Variants in NOTCH4 observed in about 807,000 individuals in gnomAD.
The protein encoded by NOTCH4 is notch receptor 4, also known as neurogenic locus notch homolog protein 4.
NOTCH4 carries 138 observed loss-of-function variants against 189.0 expected under a neutral mutation model. The ratio of observed to expected loss-of-function variants is 0.73; its 90% CI spans 0.64 to 0.84. NOTCH4 has a LOEUF of 0.84. Ranked by LOEUF, NOTCH4 falls within the 40% of genes least tolerant of loss-of-function variation. NOTCH4 has a pLI of 0.00. For synonymous variants in NOTCH4, 942 were observed against 1,032.8 expected, an observed-to-expected ratio of 0.91 and a Z score of 1.69; for missense variants, 2,286 against 2,605.4, an observed-to-expected ratio of 0.88 and a Z score of 2.67.
At chr6:32,204,410 A>C in intron 18 of NOTCH4, 21 bp from the exon 19 acceptor site, 1 of 1,608,900 alleles carries the variant, frequency 6.2e-7, no homozygotes, top group Non-Finnish European at 8.5e-7. Flanking sequence ...AGAGGATTAG[A>C]CAGGGAACCA....
At position 32,198,980 on chromosome 6, in the gene NOTCH4, T is replaced by A. The variant is rs773916431; in HGVS notation, c.4481A>T (p.Gln1494Leu). The A allele has an allele frequency of 6.2e-7, 1 of 1,609,088 alleles. No homozygotes were observed. Among genetic ancestry groups the A allele is most frequent in the Non-Finnish European group, 8.5e-7 (1 of 1,177,678 alleles). The change falls in exon 24 of 30, where the codon CAG becomes CTG. Residue 1494 changes from glutamine (Q) to leucine (L), a missense_variant. Coordinates refer to ENST00000375023, the MANE Select transcript of NOTCH4 (RefSeq NM_004557.4). The surrounding 1 kb of genome is among the most constrained non-coding windows in gnomAD (Gnocchi z 5.5). ...GGGCCGGCGTCGGTGGGGAGCTGAC[T>A]GAGTCCGAGGCCGTCGAGTGAAACC... ...PPGFTRRPRT[Q>L]SAPHRRRPPL... is the part of the protein sequence containing the mutation.
In NOTCH4 at chr6:32,212,398, A is replaced by G; in HGVS notation, c.2680+76T>C. 3.5e-6 allele frequency: 5 copies of G among 1,414,392 alleles called. No homozygotes were observed. The highest frequency in any genetic ancestry group is 4.8e-6 in the Non-Finnish European group (5 of 1,041,226). The allele number at this position is 1,414,392 out of a possible 1,614,324, so 87.6% of individuals were successfully genotyped here. Reference sequence around the variant, plus strand: ...TTGTTTTGGCCAAAAGCTGTGTGGAAGCCCACAGGAACGGGGCAGGTGAGA... The same window carrying G: ...TTGTTTTGGCCAAAAGCTGTGTGGAGGCCCACAGGAACGGGGCAGGTGAGA... On this transcript the variant is annotated intron_variant, in intron 17 of 29. Transcript: ENST00000375023. The surrounding 1 kb of genome is among the most constrained non-coding windows in gnomAD (Gnocchi z 4.4).
rs1253980210 is a variant in NOTCH4 at position 32,196,015 on chromosome 6, G to A, written c.5434C>T (p.His1812Tyr). Residue 1812 changes from histidine to tyrosine, a missense_variant, in exon 30 of 30, where the codon CAC becomes TAC. Physicochemically the swap from His to Tyr is moderately conservative, Grantham distance 83. Coordinates refer to ENST00000375023, the MANE Select transcript of NOTCH4 (RefSeq NM_004557.4). The stretch of plus-strand genomic sequence containing the variant: ...TCCAGCAGCGTCAGCAGATCCCAGT[G>A]GTTACGTTGGTGAGCGACGTCCGCC... ...APADVAHQRN[H>Y]WDLLTLLEGA... The A allele has an allele frequency of 2.5e-6, 4 of 1,599,116 alleles. No individual in the cohort carries two copies. The highest frequency in any genetic ancestry group is 3.4e-6 in the Non-Finnish European group (4 of 1,178,892).
In NOTCH4 at chr6:32,220,550, G is replaced by A. The variant is rs1431721279; in HGVS notation, c.1014C>T (p.Ser338=). 2 of 1,613,844 alleles carry A rather than the reference G, an allele frequency of 1.2e-6. No homozygotes were observed. Among genetic ancestry groups the A allele is most frequent in the Non-Finnish European group, 1.7e-6 (2 of 1,180,026 alleles). ...NGGTCQNSAG[S]FHCVCVSGWG... Reference sequence around the variant, plus strand: ...AGCCACTCACACACACGCAGTGAAAGCTACCAGCAGAGTTCTGGCAGGTGC... The same window carrying A: ...AGCCACTCACACACACGCAGTGAAAACTACCAGCAGAGTTCTGGCAGGTGC... Residue 338 remains serine (S), a synonymous_variant, in exon 6 of 30, where the codon AGC becomes AGT. Coordinates refer to ENST00000375023, the MANE Select transcript of NOTCH4 (RefSeq NM_004557.4).
intron 11 of NOTCH4, 58 bp from the exon 12 acceptor site, chr6:32,215,443 A>G: frequency 1.3e-6 from 2 of 1,508,350 alleles, no homozygotes; most frequent in Non-Finnish European, 1.8e-6. Context: ...TCATTGGGCC[A>G]AAGCCACATC....
In NOTCH4 at chr6:32,197,607, CAG is replaced by C; in HGVS notation, c.4757-15_4757-14del. ...GGTGTCACCCCATCTGTTGGTAAGA[CAG>C]AGTAATGGGTCAATCTAAAGGACAC... is the stretch of plus-strand genomic sequence containing the variant. On this transcript the variant is annotated splice_polypyrimidine_tract_variant and intron_variant, in intron 26 of 29. Transcript: ENST00000375023. 1 of 1,600,272 alleles carries C rather than the reference CAG, an allele frequency of 6.2e-7. No individual in the cohort carries two copies. Among genetic ancestry groups the C allele is most frequent in the Non-Finnish European group, 8.5e-7 (1 of 1,173,924 alleles).
Position 32,220,811 on chromosome 6 carries a change from GC to G in NOTCH4, c.866del (p.Gly289AlafsTer56). 1 of 1,614,162 alleles carries G rather than the reference GC, an allele frequency of 6.2e-7. No homozygotes were observed. Among genetic ancestry groups the G allele is most frequent in the Non-Finnish European group, 8.5e-7 (1 of 1,179,998 alleles). ...AGGTGTCCAGCCCATCCTGGCAAGT[GC>G]CCCCATTCTGACACTGGTGGCTGAC... is the stretch of plus-strand genomic sequence containing the variant. ...NCVSHQCQNG[G>X]TCQDGLDTYT... On this transcript the variant is annotated frameshift_variant, in exon 5 of 30. Coordinates refer to ENST00000375023, the MANE Select transcript of NOTCH4 (RefSeq NM_004557.4). LOFTEE classifies it high-confidence loss of function.
At position 32,196,328 on chromosome 6, in the gene NOTCH4, T is replaced by C. The variant is rs770038796; in HGVS notation, c.5294A>G (p.Asn1765Ser). Reference sequence around the variant, plus strand: ...AAGCCCTCTGTCCCATCTAACCCTGTTGTCCTGGGCATCTTTATCGGCTCC... The same window carrying C: ...AAGCCCTCTGTCCCATCTAACCCTGCTGTCCTGGGCATCTTTATCGGCTCC... ...QAGADKDAQDNREQTPLFLAA... is the reference protein window; with the variant it reads ...QAGADKDAQDSREQTPLFLAA... The change falls in exon 29 of 30, where the codon AAC becomes AGC. Residue 1765 changes from asparagine (N) to serine (S), a missense_variant. Physicochemically the swap from Asn to Ser is conservative, Grantham distance 46. Transcript: ENST00000375023. 1.9e-6 allele frequency: 3 copies of C among 1,613,032 alleles called. No individual in the cohort carries two copies. The highest frequency in any genetic ancestry group is 2.5e-6 in the Non-Finnish European group (3 of 1,180,048).
chr6:32,203,821 G>T lies in NOTCH4; in HGVS notation c.3180C>A (p.Thr1060=), dbSNP rs1283988327. The change falls in exon 20 of 30, where the codon ACC becomes ACA. Residue 1060 remains threonine (T), a synonymous_variant. Transcript: ENST00000375023. ...CHSQPCFHGG[T]CEATAGSPLG... ...GGGGTGATCCTGCTGTGGCCTCACA[G>T]GTCCCTCCATGAAAGCAGGGTTGGC... The T allele has an allele frequency of 1.3e-6, 2 of 1,562,560 alleles. No individual in the cohort carries two copies. The highest frequency in any genetic ancestry group is 2.4e-5 in the South Asian group (2 of 84,918).
intron 26 of NOTCH4, among the ~76,000 whole-genome samples, chr6:32,197,819 C>CTTTT (rs9281668): frequency 4.5e-5 from 6 of 132,994 alleles, no homozygotes; most frequent in South Asian, 2.4e-4. Flanking sequence ...GTGGTTTTCT[C>CTTTT]TTTTTTTTTT....
rs1245029988 is a variant in NOTCH4 at position 32,200,954 on chromosome 6, C to G, written c.4192G>C (p.Ala1398Pro). Residue 1398 changes from alanine (A) to proline (P), a missense_variant, in exon 23 of 30, where the codon GCA (alanine) becomes CCA (proline). Transcript: ENST00000375023. The surrounding 1 kb of genome is among the most constrained non-coding windows in gnomAD (Gnocchi z 5.0). ...CCAGGGTCCCAGGGACAGCGGGATGCCGGGTGGTCAGGGCCACAGCGGGAC... is the reference window on the plus strand; with the variant it reads ...CCAGGGTCCCAGGGACAGCGGGATGGCGGGTGGTCAGGGCCACAGCGGGAC... ...DLSRCGPDHP[A>P]SRCPWDPGLL... 1 of 1,603,270 alleles carries G rather than the reference C, an allele frequency of 6.2e-7. No individual in the cohort carries two copies. Among genetic ancestry groups the G allele is most frequent in the South Asian group, 1.1e-5 (1 of 89,564 alleles).
chr6:32,196,132 G>T lies in NOTCH4; in HGVS notation c.5317C>A (p.Leu1773Met). 3 of 1,590,080 alleles carry T rather than the reference G, an allele frequency of 1.9e-6. No homozygotes were observed. The highest frequency in any genetic ancestry group is 2.6e-6 in the Non-Finnish European group (3 of 1,174,990). Residue 1773 changes from leucine (L) to methionine (M), a missense_variant, in exon 30 of 30, where the codon CTG becomes ATG. Leu to Met is a conservative substitution (Grantham distance 15, BLOSUM62 2). Transcript: ENST00000375023. ...TCCACCGCTCCTTCCCGCGCCGCCA[G>T]GAATAGCGGCGTCTGCTCCTGTACA... is the stretch of plus-strand genomic sequence containing the variant. ...QDNREQTPLF[L>M]AAREGAVEVA...
intron 11 of NOTCH4, chr6:32,216,585 G>A (rs1012402500): frequency 2.6e-6 from 1 of 391,894 alleles, no homozygotes; most frequent in Middle Eastern, 8.3e-4. Context: ...CTCTGTATTA[G>A]ACTTAAAGTC....
chr6:32,204,226 C>G lies in NOTCH4; in HGVS notation c.3029G>C (p.Cys1010Ser), dbSNP rs1469957497. The G allele has an allele frequency of 6.2e-7, 1 of 1,613,046 alleles. No homozygotes were observed. The highest frequency in any genetic ancestry group is 8.5e-7 in the Non-Finnish European group (1 of 1,180,022). Residue 1010 changes from cysteine to serine, a missense_variant, in exon 19 of 30, where the codon TGT becomes TCT. By Grantham distance (112) the Cys-to-Ser change is moderately radical. Around this residue, in one of 2 missense-constraint regions of NOTCH4, gnomAD observed 1,903 missense variants for 2,261.9 expected, o/e 0.84. Transcript: ENST00000375023. Reference protein sequence around the residue: ...GLRCEGDVDECLDQPCHPTGT... With the variant: ...GLRCEGDVDESLDQPCHPTGT... ...TGTGGGGTGGCAGGGCTGGTCCAGA[C>G]ACTCGTCCACGTCTCCCTCACAGCG...
In NOTCH4 at chr6:32,199,097, G is replaced by A. The variant is rs2127463511; in HGVS notation, c.4364C>T (p.Ala1455Val). Residue 1455 changes from alanine to valine, a missense_variant, in exon 24 of 30, where the codon GCC becomes GTC. Around this residue, in one of 2 missense-constraint regions of NOTCH4, gnomAD observed 1,903 missense variants for 2,261.9 expected, o/e 0.84. Coordinates refer to ENST00000375023, the MANE Select transcript of NOTCH4 (RefSeq NM_004557.4). The surrounding 1 kb of genome is among the most constrained non-coding windows in gnomAD (Gnocchi z 4.9). ...CCCTAGGGCCAGGAGAATCACCCCG[G>A]CCACTGGGGAGCACAGCACAGGCCA... ...LPWPVLCSPV[A>V]GVILLALGAL... 5 of 1,612,096 alleles carry A rather than the reference G, an allele frequency of 3.1e-6. No homozygotes were observed. The highest frequency in any genetic ancestry group is 3.4e-6 in the Non-Finnish European group (4 of 1,179,618).
chr6:32,195,388 C>G lies in NOTCH4; in HGVS notation c.*49G>C. 1 of 1,513,336 alleles carries G rather than the reference C, an allele frequency of 6.6e-7. No homozygotes were observed. Among genetic ancestry groups the G allele is most frequent in the South Asian group, 1.3e-5 (1 of 76,366 alleles). 93.7% of individuals were successfully genotyped at this position (1,513,336 alleles called of 1,614,324 possible). A position where few individuals can be genotyped will look rare whatever the true frequency, so the allele number is the denominator to read the frequency against. On this transcript the variant is annotated 3_prime_UTR_variant, in exon 30 of 30. Transcript: ENST00000375023. The surrounding 1 kb of genome is among the most constrained non-coding windows in gnomAD (Gnocchi z 5.4). ...AAAACCAGGAAGGCCTTCCAGCCTG[C>G]CTTTTAATGGGTAATCATTTTTGGA... is the stretch of plus-strand genomic sequence containing the variant.
In NOTCH4 at chr6:32,222,752, G is replaced by A. The variant is rs764018056; in HGVS notation, c.210C>T (p.Asn70=). 61 of 1,612,366 alleles carry A rather than the reference G, an allele frequency of 3.8e-5. No homozygotes were observed. Among genetic ancestry groups the A allele is most frequent in the African/African-American group, 9.4e-5 (7 of 74,788 alleles). The change falls in exon 3 of 30, where the codon AAC becomes AAT. Residue 70 remains asparagine, a synonymous_variant. Transcript: ENST00000375023. ...TGCCTCCATTTTGGCAGAGCTGGGC[G>A]TTCTGGCAGGGGTCAGGAAACTGGC... The part of the protein sequence containing the change: ...ETCQFPDPCQ[N]AQLCQNGGSC...
In NOTCH4 at chr6:32,217,216, G is replaced by C. The variant is rs777267478; in HGVS notation, c.1675C>G (p.Pro559Ala). The C allele has an allele frequency of 6.2e-7, 1 of 1,613,102 alleles. No homozygotes were observed. Among genetic ancestry groups the C allele is most frequent in the Non-Finnish European group, 8.5e-7 (1 of 1,180,026 alleles). ...EEDIDECRSS[P>A]CANGGQCQDQ... Reference sequence around the variant, plus strand: ...TGGCACTGCCCACCATTGGCACAGGGAGAGCTTCTGCACTCATCGATATCC... The same window carrying C: ...TGGCACTGCCCACCATTGGCACAGGCAGAGCTTCTGCACTCATCGATATCC... The change falls in exon 10 of 30, where the codon CCC becomes GCC. Residue 559 changes from proline to alanine, a missense_variant. Around this residue, in one of 2 missense-constraint regions of NOTCH4, gnomAD observed 1,903 missense variants for 2,261.9 expected, o/e 0.84. Coordinates refer to ENST00000375023, the MANE Select transcript of NOTCH4 (RefSeq NM_004557.4). The surrounding 1 kb of genome is among the most constrained non-coding windows in gnomAD (Gnocchi z 4.2).
Position 32,221,049 on chromosome 6 carries a change from C to T in NOTCH4, c.728G>A (p.Cys243Tyr), listed in dbSNP as rs1211327705. The change falls in exon 4 of 30, where the codon TGT becomes TAT. Residue 243 changes from cysteine to tyrosine, a missense_variant. By Grantham distance (194) the Cys-to-Tyr change is radical (BLOSUM62 -2). This residue lies in a region of NOTCH4 where 1,903 missense variants were observed against 2,261.9 expected (regional missense o/e 0.84). Transcript: ENST00000375023. The surrounding 1 kb of genome is among the most constrained non-coding windows in gnomAD (Gnocchi z 4.3). ...CAGCTGGCAGGTGCCCCCATTCGAA[C>T]AGCCCCTAGGAGGGCAGGGTCCTGC... ...LRAGPCPPRG[C>Y]SNGGTCQLMP... 1.2e-6 allele frequency: 2 copies of T among 1,611,566 alleles called. No individual in the cohort carries two copies. Among genetic ancestry groups the T allele is most frequent in the Non-Finnish European group, 8.5e-7 (1 of 1,178,748 alleles).
Sources: gnomAD v4.1 joint callset for allele counts (sites outside exome capture counted in the v4.1 genomes callset) on GRCh38, gnomAD v4.1.1 for gene constraint, gnomAD v4.1.1 regional missense constraint, Gnocchi (gnomAD v3.1) non-coding constraint, MANE v1.5 for transcripts, NCBI Gene and HGNC (gene_info 2026-07-23, HGNC 2026-07-21) for gene names.